Variants in ST18 observed in about 807,000 individuals in gnomAD.
The protein encoded by ST18 is suppression of tumorigenicity 18 protein.
ST18 carries 50 observed loss-of-function variants against 110.0 expected under a neutral mutation model. The ratio of observed to expected loss-of-function variants is 0.45; its 90% CI spans 0.36 to 0.58. ST18 has a LOEUF of 0.58. Among genes scored for constraint, ST18 ranks in the 20% least tolerant of loss-of-function variants. The pLI is 0.00. For missense variants in ST18, 1,306 were observed against 1,280.1 expected (o/e 1.02, Z -0.31); for synonymous variants, 461 against 452.4 (o/e 1.02, Z -0.24).
intron 8 of ST18, among the ~76,000 whole-genome samples, 200 bp from the exon 9 acceptor site, chr8:52,180,512 A>G (rs908920665): frequency 1.4e-4 from 21 of 149,524 alleles, no homozygotes; most frequent in African/African-American, 4.9e-4. Flanking sequence ...TATCAGAAGA[A>G]TTTTTTTTTT....
At chr8:52,317,424 C>T (rs903482047) in intron 2 of ST18, among the ~76,000 whole-genome samples, 2 of 152,196 alleles carry the variant, frequency 1.3e-5, no homozygotes, top group African/African-American at 4.8e-5. Context: ...AAAGATCCAC[C>T]CTAGAGCCTT....
At chr8:52,394,707 GC>G (rs1273667806) in intron 2 of ST18, among the ~76,000 whole-genome samples, 1 of 152,180 alleles carries the variant, frequency 6.6e-6, no homozygotes, top group Non-Finnish European at 1.5e-5. Flanking sequence ...AACACTGAGG[GC>G]AACCTAGCAC....
intron 2 of ST18, among the ~76,000 whole-genome samples, chr8:52,307,884 T>C (rs887021318): frequency 4.6e-5 from 7 of 152,246 alleles, no homozygotes; most frequent in African/African-American, 1.7e-4. Flanking sequence ...GATATACTGA[T>C]ATTTTGCTTG....
Position 52,159,018 on chromosome 8 carries a change from G to C in ST18, c.1686C>G (p.Ser562Arg). The change falls in exon 15 of 26, where the codon AGC (serine) becomes AGG (arginine). Residue 562 changes from serine (S) to arginine (R), a missense_variant. By Grantham distance (110) the Ser-to-Arg change is moderately radical. Transcript: ENST00000689386. ...TQSPGRASSY[S>R]YGQCSEDTHI... Reference sequence around the variant, plus strand: ...GGGTGTCTTCACTACATTGACCGTAGCTATAAGAGCTGGCACGGCCAGGGC... The same window carrying C: ...GGGTGTCTTCACTACATTGACCGTACCTATAAGAGCTGGCACGGCCAGGGC... 1 of 1,614,144 alleles carries C rather than the reference G, an allele frequency of 6.2e-7. No homozygotes were observed. Among genetic ancestry groups the C allele is most frequent in the Non-Finnish European group, 8.5e-7 (1 of 1,180,002 alleles).
intron 2 of ST18, among the ~76,000 whole-genome samples, chr8:52,393,121 C>G (rs1161002857): frequency 6.6e-6 from 1 of 152,186 alleles, no homozygotes; most frequent in Non-Finnish European, 1.5e-5. Context: ...AAGTTCTGAG[C>G]AGGCATTAGG....
intron 8 of ST18, among the ~76,000 whole-genome samples, chr8:52,185,356 C>T (rs891481325): frequency 2.6e-5 from 4 of 152,072 alleles, no homozygotes; most frequent in Non-Finnish European, 5.9e-5. Flanking sequence ...CCTTCTTTAT[C>T]TATTAGATTC....
chr8:52,259,321 C>T (rs1468730982), intron 2 of ST18, among the ~76,000 whole-genome samples: 1 of 152,184 alleles, frequency 6.6e-6, no homozygotes, highest in Admixed American at 6.5e-5. Context: ...CAGGTGTAGG[C>T]AGCACACCTA....
At chr8:52,188,074 G>C (rs765250231) in intron 8 of ST18, among the ~76,000 whole-genome samples, 35 of 152,046 alleles carry the variant, frequency 2.3e-4, no homozygotes, top group African/African-American at 8.5e-4. Context: ...TATCAATGTC[G>C]TAAGTTTTAA....
intron 2 of ST18, among the ~76,000 whole-genome samples, chr8:52,334,122 C>A (rs6986220): frequency 0.99 from 150,574 of 152,344 alleles, 74,427 homozygotes; most frequent in East Asian, 1. Context: ...TATTCTCTGC[C>A]GGATATTTGA....
intron 2 of ST18, among the ~76,000 whole-genome samples, chr8:52,312,343 T>C (rs899394446): frequency 6.6e-6 from 1 of 152,198 alleles, no homozygotes; most frequent in Non-Finnish European, 1.5e-5. Context: ...CTGCCTCCAG[T>C]AGTTAATGCC....
chr8:52,292,646 T>C (rs1468991014), intron 2 of ST18, among the ~76,000 whole-genome samples: 2 of 152,216 alleles, frequency 1.3e-5, no homozygotes, highest in Non-Finnish European at 2.9e-5. Context: ...TTCCTGTCAG[T>C]GATCACTGGG....
At chr8:52,335,871 C>T (rs1309627797) in intron 2 of ST18, among the ~76,000 whole-genome samples, 1 of 152,120 alleles carries the variant, frequency 6.6e-6, no homozygotes, top group Non-Finnish European at 1.5e-5. Flanking sequence ...CCTCCCTTCA[C>T]CCTCCAATTA....
chr8:52,355,056 G>T (rs1454729928), intron 2 of ST18, among the ~76,000 whole-genome samples: 1 of 152,156 alleles, frequency 6.6e-6, no homozygotes, highest in Non-Finnish European at 1.5e-5. Flanking sequence ...CAGCACAGGG[G>T]TATTGGCCCA....
At chr8:52,330,747 C>T (rs978725538) in intron 2 of ST18, among the ~76,000 whole-genome samples, 5 of 152,238 alleles carry the variant, frequency 3.3e-5, no homozygotes, top group African/African-American at 1.2e-4. Context: ...CTGCCTTTAC[C>T]TTACGTGAAC....
At chr8:52,177,907 G>A (rs2067539145) in intron 9 of ST18, among the ~76,000 whole-genome samples, 1 of 152,070 alleles carries the variant, frequency 6.6e-6, no homozygotes, top group Non-Finnish European at 1.5e-5. Context: ...TACGTGTCTG[G>A]AATATATTAA....
Position 52,346,538 on chromosome 8 carries a change from C to T in ST18, c.-465+62790G>A, listed in dbSNP as rs977867916. 4.6e-5 allele frequency among the ~76,000 whole-genome samples: 7 copies of T among 152,284 alleles called. No homozygotes were observed. In the East Asian group the frequency reaches 5.8e-4, roughly 13 times the overall value. ...TAAATAAACAATGTGACGACCCACA[C>T]GCATTATCATCACATGTCAGAGCAT... On this transcript the variant is annotated intron_variant, in intron 2 of 25. Coordinates refer to ENST00000689386, the MANE Select transcript of ST18 (RefSeq NM_001352837.2).
intron 2 of ST18, among the ~76,000 whole-genome samples, chr8:52,338,643 C>T (rs1439386968): frequency 1.3e-5 from 2 of 152,018 alleles, no homozygotes; most frequent in Non-Finnish European, 2.9e-5. Flanking sequence ...AGGCTGGTCT[C>T]AAACTCCTGG....
intron 2 of ST18, chr8:52,294,579 A>G (rs2095603610): frequency 6.6e-6 from 1 of 152,270 alleles, no homozygotes; most frequent in South Asian, 2.1e-4. Context: ...GGGATCTGGC[A>G]TCTGTCCCTC....
At chr8:52,273,633 T>G (rs2095146399) in intron 2 of ST18, among the ~76,000 whole-genome samples, 1 of 152,216 alleles carries the variant, frequency 6.6e-6, no homozygotes, top group Non-Finnish European at 1.5e-5. Context: ...AAGAGAACAC[T>G]GTTTATAATA....
Sources: gnomAD v4.1 joint callset for allele counts (sites outside exome capture counted in the v4.1 genomes callset) on GRCh38, gnomAD v4.1.1 for gene constraint, MANE v1.5 for transcripts, NCBI Gene and HGNC (gene_info 2026-07-23, HGNC 2026-07-21) for gene names.